The following SRP19 variants were observed in gnomAD, a reference collection of about 807,000 sequenced individuals.
SRP19 encodes the protein signal recognition particle 19 kDa protein.
A neutral mutation model predicts 22.4 loss-of-function variants in SRP19; 11 were observed. The ratio of observed to expected loss-of-function variants is 0.49; its 90% CI spans 0.31 to 0.81. The LOEUF is 0.81. Among genes scored for constraint, SRP19 ranks in the 40% least tolerant of loss-of-function variants. SRP19 has a pLI of 0.05. For missense variants in SRP19, 168 were observed against 175.9 expected (o/e 0.96, Z 0.25); for synonymous variants, 61 against 57.6 (o/e 1.06, Z -0.27).
downstream of SRP19, chr5:112,893,094 TAAAAAAAA>T (rs552226372): frequency 9.5e-3 from 4,738 of 500,422 alleles, 1 homozygote; most frequent in Middle Eastern, 0.014. Flanking sequence ...GTTTTGTTCT[TAAAAAAAA>T]AAAAAAAAAA....
chr5:112,864,792 A>G, intron 4 of SRP19, 60 bp downstream of exon 4: 5 of 1,314,180 alleles, frequency 3.8e-6, no homozygotes, highest in Non-Finnish European at 5.3e-6. Context: ...CACAACACAA[A>G]AAAGGTTCTA....
downstream of SRP19, chr5:112,893,094 TAAAAAAAAA>T (rs552226372): frequency 5.3e-4 from 266 of 499,750 alleles, no homozygotes; most frequent in Non-Finnish European, 6.7e-4. Context: ...GTTTTGTTCT[TAAAAAAAAA>T]AAAAAAAAAA....
At chr5:112,886,884 G>A (rs537930418) in intron 4 of SRP19, 229 of 620,944 alleles carry the variant, frequency 3.7e-4, no homozygotes, top group Middle Eastern at 4.9e-4. Context: ...ACTTTGTAAA[G>A]AAATCCCAGA....
downstream of SRP19, chr5:112,897,322 A>C (rs1012222770): frequency 6.7e-6 from 1 of 150,178 alleles, no homozygotes; most frequent in South Asian, 2.1e-4. Context: ...TACAAATGTT[A>C]TTTTCCTCCC....
intron 4 of SRP19, chr5:112,891,543 T>A (rs1768447686): frequency 6.7e-7 from 1 of 1,496,370 alleles, no homozygotes; most frequent in South Asian, 1.2e-5. Context: ...CATAAAATAT[T>A]CATAAGTAGA....
At chr5:112,893,385 G>A (rs1329208378), downstream of SRP19, 4 of 198,428 alleles carry the variant, frequency 2.0e-5, no homozygotes, top group Non-Finnish European at 4.2e-5. Flanking sequence ...ACTCCAGCCT[G>A]GGTGACAGAG....
At chr5:112,897,351 TCACACACACACACA>T (rs34612314), downstream of SRP19, 1 of 97,790 alleles carries the variant, frequency 1.0e-5, no homozygotes, top group Non-Finnish European at 2.1e-5. Flanking sequence ...ACACATCCCA[TCACACACACACACA>T]CACACACACA....
intron 4 of SRP19, among the ~76,000 whole-genome samples, chr5:112,865,791 G>A (rs946575462): frequency 3.9e-5 from 6 of 152,060 alleles, no homozygotes; most frequent in South Asian, 2.1e-4. Context: ...ATGGGGTTTC[G>A]CCATGTTGGC....
intron 4 of SRP19, among the ~76,000 whole-genome samples, chr5:112,876,089 T>C (rs712671): frequency 0.58 from 88,270 of 151,498 alleles, 27,120 homozygotes; most frequent in East Asian, 0.82. Context: ...TCTTAAGTCA[T>C]AGGAGACTTC....
At chr5:112,879,315 T>A (rs1249083783) in intron 4 of SRP19, among the ~76,000 whole-genome samples, 2 of 36,642 alleles carry the variant, frequency 5.5e-5, no homozygotes, top group Non-Finnish European at 9.3e-5. Flanking sequence ...CATCCCTTGA[T>A]ATATGTGTTT....
downstream of SRP19, chr5:112,893,836 T>G (rs1217587547): frequency 1.3e-5 from 2 of 152,238 alleles, no homozygotes; most frequent in Admixed American, 1.3e-4. Flanking sequence ...AGTAGTTCGA[T>G]GTTACTCTTA....
At chr5:112,884,999 C>CA (rs1379399247) in intron 4 of SRP19, 1 of 152,188 alleles carries the variant, frequency 6.6e-6, no homozygotes, top group African/African-American at 2.4e-5. Context: ...GTGAATTAAT[C>CA]AGAGCTGAGA....
chr5:112,871,135 A>C (rs1206727384), downstream of SRP19, among the ~76,000 whole-genome samples: 1 of 151,962 alleles, frequency 6.6e-6, no homozygotes, highest in Non-Finnish European at 1.5e-5. Context: ...TAAGATACCC[A>C]GTCTGTGGTG....
At chr5:112,866,303 A>G (rs1312444513) in intron 4 of SRP19, among the ~76,000 whole-genome samples, 2 of 151,598 alleles carry the variant, frequency 1.3e-5, no homozygotes, top group African/African-American at 4.9e-5. Flanking sequence ...TTTAGTAGAG[A>G]TGGAGTTTCT....
At chr5:112,897,351 T>TCACACACGCACACA (rs1554093939), downstream of SRP19, 1 of 97,790 alleles carries the variant, frequency 1.0e-5, no homozygotes, top group East Asian at 2.4e-4. Context: ...ACACATCCCA[T>TCACACACGCACACA]CACACACACA....
At chr5:112,889,115 CTG>C (rs1460213963) in intron 4 of SRP19, among the ~76,000 whole-genome samples, 2 of 150,884 alleles carry the variant, frequency 1.3e-5, no homozygotes, top group Admixed American at 6.6e-5. Context: ...CCATGTGGAA[CTG>C]TGAGTCAATT....
At chr5:112,889,970 G>A (rs1333042551) in intron 4 of SRP19, among the ~76,000 whole-genome samples, 2 of 150,236 alleles carry the variant, frequency 1.3e-5, no homozygotes, top group African/African-American at 5.0e-5. Context: ...GGGACTGCAG[G>A]CAAACACCAC....
At chr5:112,878,425 A>C (rs779372881) in intron 4 of SRP19, 4 of 216,686 alleles carry the variant, frequency 1.8e-5, no homozygotes, top group African/African-American at 4.6e-5. Context: ...GATTATCCTA[A>C]ATGTAACTAC....
At chr5:112,889,199 A>G (rs1768354648) in intron 4 of SRP19, among the ~76,000 whole-genome samples, 1 of 150,530 alleles carries the variant, frequency 6.6e-6, no homozygotes, top group Admixed American at 6.6e-5. Flanking sequence ...AGACAAATGC[A>G]GAGACCATCC....
Sources: allele counts gnomAD v4.1 joint callset (sites outside exome capture counted in the v4.1 genomes callset), GRCh38; gene constraint gnomAD v4.1.1; transcripts MANE v1.5; gene names NCBI Gene and HGNC (gene_info 2026-07-23, HGNC 2026-07-21).